Variants in APP observed in about 807,000 individuals in gnomAD.
APP encodes the protein amyloid beta precursor protein, also known as amyloid-beta precursor protein.
APP carries 31 observed loss-of-function variants against 101.4 expected under a neutral mutation model. That is an observed-to-expected ratio of 0.31 (90% CI 0.23 to 0.41). The LOEUF is 0.41. Ranked by LOEUF, APP falls within the 10% of genes least tolerant of loss-of-function variation. APP has a pLI of 1.00. For synonymous variants in APP, 366 were observed against 364.4 expected, an observed-to-expected ratio of 1.00 and a Z score of -0.05; for missense variants, 839 against 1,003.7, an observed-to-expected ratio of 0.84 and a Z score of 2.22.
intron 1 of APP, among the ~76,000 whole-genome samples, chr21:26,121,366 C>T (rs2062566037): frequency 1.3e-5 from 2 of 152,090 alleles, no homozygotes; most frequent in African/African-American, 4.8e-5. Flanking sequence ...CCTCACACAA[C>T]ACCTGGCAGT....
intron 5 of APP, among the ~76,000 whole-genome samples, chr21:26,041,362 C>A (rs369548894): frequency 2.6e-5 from 4 of 152,120 alleles, no homozygotes; most frequent in African/African-American, 9.7e-5. Context: ...ATTAATGTTT[C>A]GGTGTACTAT....
At chr21:26,078,850 C>T (rs1313162496) in intron 3 of APP, among the ~76,000 whole-genome samples, 1 of 152,116 alleles carries the variant, frequency 6.6e-6, no homozygotes, top group African/African-American at 2.4e-5. Context: ...TCGAGACCAG[C>T]CTGACCAACA....
At chr21:25,886,856 C>T (rs1025562797) in intron 17 of APP, among the ~76,000 whole-genome samples, 2 of 152,122 alleles carry the variant, frequency 1.3e-5, no homozygotes, top group African/African-American at 2.4e-5. Flanking sequence ...AACGTCAGTG[C>T]GTCTGTATCC....
chr21:26,003,701 G>A (rs1271838824), intron 6 of APP, among the ~76,000 whole-genome samples: 1 of 152,216 alleles, frequency 6.6e-6, no homozygotes, highest in African/African-American at 2.4e-5. Context: ...TGGAGGATGA[G>A]CAGATAGGCC....
intron 5 of APP, among the ~76,000 whole-genome samples, chr21:26,045,609 C>T (rs2045573937): frequency 6.6e-6 from 1 of 151,980 alleles, no homozygotes; most frequent in African/African-American, 2.4e-5. Flanking sequence ...AAATATGAAA[C>T]AATAATAATA....
At chr21:26,015,930 G>T (rs1568859294) in intron 6 of APP, among the ~76,000 whole-genome samples, 5 of 152,254 alleles carry the variant, frequency 3.3e-5, no homozygotes, top group Admixed American at 6.5e-5. Context: ...GATGGGCTGT[G>T]CCTAATAAAA....
At chr21:26,040,605 T>TA (rs35349551) in intron 5 of APP, among the ~76,000 whole-genome samples, 36,418 of 125,188 alleles carry the variant, frequency 0.29, 5,927 homozygotes, top group Non-Finnish European at 0.39. Context: ...CCGTCTCCAT[T>TA]AAAAAAAAAA....
At chr21:25,962,683 CAA>C (rs1035654137) in intron 11 of APP, among the ~76,000 whole-genome samples, 6 of 152,318 alleles carry the variant, frequency 3.9e-5, no homozygotes, top group African/African-American at 1.4e-4. Flanking sequence ...ATAGCGTGCA[CAA>C]ACTCGTCTCA....
At chr21:26,074,361 A>C (rs2061463498) in intron 3 of APP, among the ~76,000 whole-genome samples, 1 of 152,252 alleles carries the variant, frequency 6.6e-6, no homozygotes, top group African/African-American at 2.4e-5. Context: ...CATGTTTAGC[A>C]TTTATAAATA....
In APP at chr21:26,060,039, A is replaced by T. The variant is rs575386802; in HGVS notation, c.356-6691T>A. ...AAAGTACTCAACTAGTGCCCAGAAC[A>T]AAGTTGCTCAATAAATTATATTAAT... On this transcript the variant is annotated intron_variant, in intron 3 of 17. Transcript: ENST00000346798. Among the ~76,000 whole-genome samples, 29 of 152,304 alleles carry T rather than the reference A, an allele frequency of 1.9e-4. No homozygotes were observed. The South Asian group carries it at 3.5e-3, about 19-fold the overall frequency.
chr21:25,986,269 T>A (rs534013406), intron 8 of APP, among the ~76,000 whole-genome samples: 8 of 152,298 alleles, frequency 5.3e-5, no homozygotes, highest in African/African-American at 1.9e-4. Flanking sequence ...TTAAGGTACT[T>A]AAAACACAGG....
intron 6 of APP, among the ~76,000 whole-genome samples, chr21:26,014,864 G>C (rs1206032178): frequency 6.6e-6 from 1 of 152,212 alleles, no homozygotes; most frequent in African/African-American, 2.4e-5. Flanking sequence ...CATCACATGA[G>C]ACGGTGAAAG....
At chr21:26,007,633 C>A (rs1244894416) in intron 6 of APP, among the ~76,000 whole-genome samples, 1 of 151,568 alleles carries the variant, frequency 6.6e-6, no homozygotes, top group South Asian at 2.1e-4. Context: ...ATTTCATGAG[C>A]CTAAGTTATT....
In APP at chr21:25,975,229, C is replaced by T; in HGVS notation, c.1300-1G>A. 6.2e-7 allele frequency: 1 copy of T among 1,614,168 alleles called. No individual in the cohort carries two copies. The highest frequency in any genetic ancestry group is 2.2e-5 in the East Asian group (1 of 44,892). On this transcript the variant is annotated splice_acceptor_variant, in intron 10 of 17. Transcript: ENST00000346798. LOFTEE classifies it high-confidence loss of function. ...AAGATTCCACTTTCTCCTGGAAATG[C>T]TGCCATCATAAACACATATGTCCAT... is the stretch of plus-strand genomic sequence containing the variant.
intron 13 of APP, among the ~76,000 whole-genome samples, chr21:25,946,744 G>T (rs1363757679): frequency 6.7e-6 from 1 of 149,988 alleles, no homozygotes; most frequent in East Asian, 1.9e-4. Context: ...ATTGGGCAAA[G>T]AATCTGAACG....
intron 13 of APP, among the ~76,000 whole-genome samples, chr21:25,918,759 A>C (rs975307683): frequency 1.3e-5 from 2 of 150,958 alleles, no homozygotes; most frequent in Non-Finnish European, 2.9e-5. Context: ...GATTGCTAGC[A>C]CAGCAGTCTG....
intron 3 of APP, among the ~76,000 whole-genome samples, chr21:26,071,260 C>T (rs1383079369): frequency 1.3e-5 from 2 of 152,150 alleles, no homozygotes; most frequent in Non-Finnish European, 2.9e-5. Flanking sequence ...CCCACTCAAA[C>T]AGAAAGCAGT....
chr21:26,095,047 T>C (rs1278772196), intron 2 of APP, among the ~76,000 whole-genome samples: 4 of 152,232 alleles, frequency 2.6e-5, no homozygotes, highest in Non-Finnish European at 5.9e-5. Context: ...GGTTTCACCA[T>C]GTTGGCCAGG....
At chr21:25,988,439 C>T (rs1395310655) in intron 8 of APP, among the ~76,000 whole-genome samples, 4 of 152,132 alleles carry the variant, frequency 2.6e-5, no homozygotes, top group African/African-American at 4.8e-5. Context: ...CAGTGGCTCA[C>T]GCCTGTAATC....
Sources: gnomAD v4.1 joint callset for allele counts (sites outside exome capture counted in the v4.1 genomes callset) on GRCh38, gnomAD v4.1.1 for gene constraint, MANE v1.5 for transcripts, NCBI Gene and HGNC (gene_info 2026-07-23, HGNC 2026-07-21) for gene names.